Variants in TPD52L1 observed in about 807,000 individuals in gnomAD.
TPD52L1 encodes tumor protein D53.
Under a neutral mutation model 28.7 loss-of-function variants are expected in TPD52L1, and 18 were observed. The ratio of observed to expected loss-of-function variants is 0.63; its 90% confidence interval spans 0.43 to 0.93. TPD52L1 has a LOEUF of 0.93. Ranked by LOEUF, TPD52L1 falls within the 40% of genes least tolerant of loss-of-function variation. The pLI is 0.00. For synonymous variants in TPD52L1, 75 were observed against 88.8 expected (o/e 0.84, Z 0.88); for missense variants, 203 against 254.8 (o/e 0.80, Z 1.39).
rs1201683563 is a variant in TPD52L1 at position 125,263,880 on chromosome 6, C to A, written c.*918C>A. ...AAAAATAGTAATAATAAGTAGTCAACTTTTACTGCTAATTTGGTGAACATG... is the reference window on the plus strand; with the variant it reads ...AAAAATAGTAATAATAAGTAGTCAAATTTTACTGCTAATTTGGTGAACATG... On this transcript the variant is annotated 3_prime_UTR_variant, in exon 7 of 7. Transcript: ENST00000534000. The A allele has an allele frequency of 6.6e-6, 1 of 152,068 alleles. No individual in the cohort carries two copies. The highest frequency in any genetic ancestry group is 2.4e-5 in the African/African-American group (1 of 41,398). The allele number at this position is 152,068 out of a possible 1,614,324, so 9.4% of individuals were successfully genotyped here.
chr6:125,160,605 G>C (rs1790454512), intron 1 of TPD52L1, among the ~76,000 whole-genome samples: 1 of 152,168 alleles, frequency 6.6e-6, no homozygotes, highest in Non-Finnish European at 1.5e-5. Flanking sequence ...AGCTACATTA[G>C]CCCCTAACAA....
At chr6:125,213,941 GGGCATCAAACA>G (rs755720341) in intron 1 of TPD52L1, among the ~76,000 whole-genome samples, 5 of 152,164 alleles carry the variant, frequency 3.3e-5, no homozygotes, top group African/African-American at 4.8e-5. Context: ...CAAGAGTTAA[GGGCATCAAACA>G]GTGTTGAAGC....
At chr6:125,256,979 A>G (rs1797645298) in intron 5 of TPD52L1, 119 bp from the exon 6 acceptor site, 11 of 795,122 alleles carry the variant, frequency 1.4e-5, no homozygotes, top group Non-Finnish European at 2.0e-5. Flanking sequence ...GCAGGTGGCA[A>G]GCTGACAGGT....
chr6:125,262,984 A>T lies in TPD52L1; in HGVS notation c.*22A>T. The T allele has an allele frequency of 6.2e-7, 1 of 1,605,616 alleles. No individual in the cohort carries two copies. Among genetic ancestry groups the T allele is most frequent in the Non-Finnish European group, 8.5e-7 (1 of 1,176,446 alleles). The stretch of plus-strand genomic sequence containing the variant: ...CTAAGTCCAGCCAGCGTGCAGCTGC[A>T]TCCAGAAACCGGCCACTACCCAGCC... On this transcript the variant is annotated 3_prime_UTR_variant, in exon 7 of 7. Transcript: ENST00000534000.
chr6:125,154,872 A>G lies in TPD52L1; in HGVS notation c.19+902A>G, dbSNP rs570769537. Reference sequence around the variant, plus strand: ...TTCAGCCTTTAAGGCAATCAAAGCCACCATTCTTTTACACAGTAGGAAACT... The same window carrying G: ...TTCAGCCTTTAAGGCAATCAAAGCCGCCATTCTTTTACACAGTAGGAAACT... On this transcript the variant is annotated intron_variant, in intron 1 of 6. Transcript: ENST00000534000. 1.4e-4 allele frequency among the ~76,000 whole-genome samples: 21 copies of G among 152,206 alleles called. No homozygotes were observed. The East Asian group carries it at 4.1e-3, about 29-fold the overall frequency.
At chr6:125,204,100 A>G (rs1300062898) in intron 1 of TPD52L1, among the ~76,000 whole-genome samples, 1 of 152,198 alleles carries the variant, frequency 6.6e-6, no homozygotes, top group Non-Finnish European at 1.5e-5. Context: ...TGGAACTAAC[A>G]TTCTAGTGTT....
chr6:125,239,843 C>A (rs777327104), intron 3 of TPD52L1, among the ~76,000 whole-genome samples: 2 of 152,026 alleles, frequency 1.3e-5, no homozygotes, highest in Non-Finnish European at 2.9e-5. Flanking sequence ...TAATTAGGTC[C>A]CATATATTTA....
At chr6:125,224,066 T>C (rs980263700) in intron 2 of TPD52L1, among the ~76,000 whole-genome samples, 5 of 151,786 alleles carry the variant, frequency 3.3e-5, no homozygotes, top group South Asian at 2.1e-4. Context: ...TGTTTTTTTT[T>C]TCTCTCTCTC....
chr6:125,254,714 G>T (rs1309494458), intron 5 of TPD52L1, among the ~76,000 whole-genome samples: 1 of 152,082 alleles, frequency 6.6e-6, no homozygotes, highest in East Asian at 1.9e-4. Context: ...CTTTTCCTCT[G>T]TTTTTTAACT....
At chr6:125,163,446 G>T (rs1413213263) in intron 1 of TPD52L1, among the ~76,000 whole-genome samples, 1 of 151,846 alleles carries the variant, frequency 6.6e-6, no homozygotes, top group Admixed American at 6.6e-5. Flanking sequence ...ATTGGGCATG[G>T]TGATGCATGC....
chr6:125,236,889 C>G (rs1328347629), intron 3 of TPD52L1, among the ~76,000 whole-genome samples: 1 of 152,172 alleles, frequency 6.6e-6, no homozygotes, highest in Non-Finnish European at 1.5e-5. Context: ...CTTGACTAGA[C>G]AGAAAGAGGT....
intron 5 of TPD52L1, 39 bp from the exon 6 acceptor site, chr6:125,257,059 A>C: frequency 6.4e-7 from 1 of 1,570,512 alleles, no homozygotes; most frequent in Non-Finnish European, 8.7e-7. Flanking sequence ...TAAGACAGCT[A>C]GGCCTTTGGA....
At chr6:125,198,167 A>C (rs1168142373) in intron 1 of TPD52L1, among the ~76,000 whole-genome samples, 1 of 152,160 alleles carries the variant, frequency 6.6e-6, no homozygotes, top group African/African-American at 2.4e-5. Context: ...TCAGGGACAG[A>C]GGTCTGGAGT....
At chr6:125,226,398 T>G (rs1795611758) in intron 2 of TPD52L1, among the ~76,000 whole-genome samples, 1 of 152,218 alleles carries the variant, frequency 6.6e-6, no homozygotes, top group Admixed American at 6.6e-5. Flanking sequence ...TTAATGTTTC[T>G]ATCGCTTTTG....
intron 1 of TPD52L1, among the ~76,000 whole-genome samples, chr6:125,182,676 A>T (rs951786887): frequency 3.3e-5 from 5 of 152,206 alleles, no homozygotes; most frequent in Non-Finnish European, 7.3e-5. Flanking sequence ...GTCAGATACC[A>T]TTCTCCCTAC....
At chr6:125,257,752 A>T (rs1797688451) in intron 6 of TPD52L1, among the ~76,000 whole-genome samples, 1 of 152,240 alleles carries the variant, frequency 6.6e-6, no homozygotes, top group Non-Finnish European at 1.5e-5. Context: ...TGTTTTAAAA[A>T]TTCACTGGAA....
At chr6:125,229,351 C>A in intron 3 of TPD52L1, 85 bp downstream of exon 3, 1 of 1,359,172 alleles carries the variant, frequency 7.4e-7, no homozygotes, top group Non-Finnish European at 9.8e-7. Context: ...TCCTACAAGG[C>A]TGATTTGGTG....
At position 125,257,143 on chromosome 6, in the gene TPD52L1, T is replaced by G. The variant is rs1045504094; in HGVS notation, c.471T>G (p.Thr157=). ...FKSFEERVET[T]VTSLKTKVGG... ...CATTTGAGGAGAGGGTTGAGACAAC[T>G]GTCACAAGCCTCAAGGTACAGATGA... is the stretch of plus-strand genomic sequence containing the variant. The change falls in exon 6 of 7, where the codon ACT becomes ACG. Residue 157 remains threonine, a synonymous_variant. Coordinates refer to ENST00000534000, the MANE Select transcript of TPD52L1 (RefSeq NM_003287.4). 22 of 1,612,196 alleles carry G rather than the reference T, an allele frequency of 1.4e-5. No homozygotes were observed. The highest frequency in any genetic ancestry group is 4.5e-5 in the East Asian group (2 of 44,804).
At chr6:125,156,039 T>G (rs2114721542) in intron 1 of TPD52L1, among the ~76,000 whole-genome samples, 1 of 152,282 alleles carries the variant, frequency 6.6e-6, no homozygotes, top group Non-Finnish European at 1.5e-5. Flanking sequence ...AAGGTAAAAC[T>G]TCAGTCCCCA....
Sources: allele counts gnomAD v4.1 joint callset (sites outside exome capture counted in the v4.1 genomes callset), GRCh38; gene constraint gnomAD v4.1.1; transcripts MANE v1.5; gene names NCBI Gene and HGNC (gene_info 2026-07-23, HGNC 2026-07-21).